The following ENOX1 variants were observed in gnomAD, a reference collection of about 807,000 sequenced individuals.
The protein encoded by ENOX1 is ecto-NOX disulfide-thiol exchanger 1.
In ENOX1, 42 loss-of-function variants were observed where a neutral mutation model predicts 82.5. That is an observed-to-expected ratio of 0.51 (90% CI 0.40 to 0.66). ENOX1 has a LOEUF of 0.66. ENOX1 is among the 30% of genes least tolerant of loss of function. The pLI is 0.00. For missense variants in ENOX1, 608 were observed against 811.6 expected, an observed-to-expected ratio of 0.75 and a Z score of 3.05; for synonymous variants, 271 against 282.2, an observed-to-expected ratio of 0.96 and a Z score of 0.40.
chr13:43,296,388 T>C (rs2046287960), intron 12 of ENOX1, among the ~76,000 whole-genome samples: 1 of 152,082 alleles, frequency 6.6e-6, no homozygotes, highest in South Asian at 2.1e-4. Context: ...TTTCCACAAG[T>C]CAAGGAAGGC....
intron 8 of ENOX1, among the ~76,000 whole-genome samples, chr13:43,351,306 A>G (rs1056189241): frequency 6.6e-6 from 1 of 152,226 alleles, no homozygotes; most frequent in Non-Finnish European, 1.5e-5. Flanking sequence ...CTCCTTAACT[A>G]TTTAGTAGCT....
intron 2 of ENOX1, among the ~76,000 whole-genome samples, chr13:43,497,499 A>G (rs1189262955): frequency 6.6e-6 from 1 of 152,148 alleles, no homozygotes; most frequent in Non-Finnish European, 1.5e-5. Flanking sequence ...CTAACTAGTA[A>G]GATAACCTTT....
intron 5 of ENOX1, among the ~76,000 whole-genome samples, chr13:43,363,582 T>C (rs1349018974): frequency 6.6e-6 from 1 of 152,220 alleles, no homozygotes; most frequent in African/African-American, 2.4e-5. Flanking sequence ...GGCATGCTTG[T>C]GCTTTTATTT....
At chr13:43,245,787 C>T (rs949790682) in intron 14 of ENOX1, among the ~76,000 whole-genome samples, 2 of 152,130 alleles carry the variant, frequency 1.3e-5, no homozygotes, top group Non-Finnish European at 2.9e-5. Context: ...GTGTGGGGCT[C>T]CAAGATGCAG....
chr13:43,409,868 A>T (rs1287011809), intron 5 of ENOX1, among the ~76,000 whole-genome samples: 1 of 152,198 alleles, frequency 6.6e-6, no homozygotes, highest in Non-Finnish European at 1.5e-5. Context: ...CTGAGATTGT[A>T]TCAAGGAATG....
chr13:43,269,412 A>T, intron 13 of ENOX1, 58 bp downstream of exon 13: 1 of 1,262,246 alleles, frequency 7.9e-7, no homozygotes, highest in African/African-American at 1.5e-5. Context: ...CGCACAAGGG[A>T]GGTATGCAAT....
chr13:43,275,769 CA>C (rs1302145433), intron 12 of ENOX1, among the ~76,000 whole-genome samples: 1 of 152,174 alleles, frequency 6.6e-6, no homozygotes, highest in Non-Finnish European at 1.5e-5. Flanking sequence ...ACAGAGGAAA[CA>C]ACAGTAAATA....
At chr13:43,463,765 G>A (rs2057594769) in intron 3 of ENOX1, among the ~76,000 whole-genome samples, 1 of 151,914 alleles carries the variant, frequency 6.6e-6, no homozygotes, top group South Asian at 2.1e-4. Flanking sequence ...TGGCAAACTG[G>A]GATCAATTTG....
chr13:43,461,761 C>T (rs1013508489), intron 3 of ENOX1, among the ~76,000 whole-genome samples: 1 of 152,122 alleles, frequency 6.6e-6, no homozygotes, highest in Non-Finnish European at 1.5e-5. Flanking sequence ...ATCAGTTTAC[C>T]AAAGTTAAGT....
Position 43,675,644 on chromosome 13 carries a change from T to C in ENOX1, c.-284-8100A>G, listed in dbSNP as rs530731975. On this transcript the variant is annotated intron_variant, in intron 1 of 16. Transcript: ENST00000690772. ...GGCAGGGTTGTTATTGTTGTCCCAA[T>C]TAACATGCAAGGAAGCTGATGGCAA... Among the ~76,000 whole-genome samples the C allele has an allele frequency of 8.5e-5, 13 of 152,294 alleles. No homozygotes were observed. The East Asian group carries it at 2.3e-3, about 27-fold the overall frequency.
chr13:43,537,370 T>A (rs2078508141), intron 2 of ENOX1, among the ~76,000 whole-genome samples: 1 of 152,178 alleles, frequency 6.6e-6, no homozygotes, highest in Non-Finnish European at 1.5e-5. Context: ...TGGTGATTAG[T>A]GGTAAATAAG....
chr13:43,520,611 C>G (rs1222779569), intron 2 of ENOX1, among the ~76,000 whole-genome samples: 2 of 152,150 alleles, frequency 1.3e-5, no homozygotes, highest in African/African-American at 4.8e-5. Context: ...AACTGAATCA[C>G]CATCACACGA....
At position 43,412,978 on chromosome 13, in the gene ENOX1, G is replaced by T; in HGVS notation, c.-64C>A. 5 of 1,591,000 alleles carry T rather than the reference G, an allele frequency of 3.1e-6. No homozygotes were observed. Among genetic ancestry groups the T allele is most frequent in the Non-Finnish European group, 4.3e-6 (5 of 1,169,432 alleles). ...GGCTGAGTGCAGGGTCCCCTCGGAG[G>T]TCATCAGATTCTGCAAAACGGGACA... On this transcript the variant is annotated 5_prime_UTR_variant, in exon 4 of 17. Coordinates refer to ENST00000690772, the MANE Select transcript of ENOX1 (RefSeq NM_001347969.2).
chr13:43,419,800 A>C (rs1322087116), intron 3 of ENOX1, among the ~76,000 whole-genome samples: 4 of 152,082 alleles, frequency 2.6e-5, no homozygotes, highest in Non-Finnish European at 5.9e-5. Flanking sequence ...GTAAAACCTC[A>C]TCTCTACTGA....
At chr13:43,492,238 A>G (rs538286637) in intron 2 of ENOX1, among the ~76,000 whole-genome samples, 4 of 152,320 alleles carry the variant, frequency 2.6e-5, no homozygotes, top group Admixed American at 2.6e-4. Flanking sequence ...GAGCTTGGAA[A>G]TATATTCTGC....
intron 1 of ENOX1, among the ~76,000 whole-genome samples, chr13:43,704,371 G>A (rs2087109804): frequency 6.6e-6 from 1 of 152,006 alleles, no homozygotes; most frequent in Non-Finnish European, 1.5e-5. Context: ...CTAACACTTT[G>A]CTGAAAATAG....
chr13:43,513,731 T>G (rs369813423), intron 2 of ENOX1, among the ~76,000 whole-genome samples: 7 of 152,038 alleles, frequency 4.6e-5, no homozygotes, highest in Non-Finnish European at 8.8e-5. Flanking sequence ...TTTATTATAA[T>G]GAGGACAAAT....
intron 2 of ENOX1, among the ~76,000 whole-genome samples, chr13:43,570,603 A>AGG (rs1231696060): frequency 2.0e-5 from 3 of 152,210 alleles, no homozygotes; most frequent in African/African-American, 7.2e-5. Context: ...ATATGAAGAA[A>AGG]GGGGTGTGCA....
At chr13:43,584,730 A>T in intron 2 of ENOX1, among the ~76,000 whole-genome samples, 1 of 152,204 alleles carries the variant, frequency 6.6e-6, no homozygotes, top group South Asian at 2.1e-4. Flanking sequence ...CATGTGAATC[A>T]AAGAAGTCGA....
Sources: allele counts gnomAD v4.1 joint callset (sites outside exome capture counted in the v4.1 genomes callset), GRCh38; gene constraint gnomAD v4.1.1; transcripts MANE v1.5; gene names NCBI Gene and HGNC (gene_info 2026-07-23, HGNC 2026-07-21).